The following ADGRB1 variants were observed in gnomAD, a reference collection of about 807,000 sequenced individuals.
ADGRB1 encodes brain-specific angiogenesis inhibitor 1.
A neutral mutation model predicts 175.7 loss-of-function variants in ADGRB1; 36 were observed. That is an observed-to-expected ratio of 0.20 (90% confidence interval 0.16 to 0.27). The LOEUF (loss-of-function observed/expected upper bound fraction) is 0.27, where lower values mean the gene tolerates loss of function less well. Among genes scored for constraint, ADGRB1 ranks in the 10% least tolerant of loss-of-function variants. The pLI is 1.00. For synonymous variants in ADGRB1, 1,054 were observed against 979.4 expected (o/e 1.08, Z -1.42); for missense variants, 1,731 against 2,255.3 (o/e 0.77, Z 4.71).
In ADGRB1 at chr8:142,544,435, A is replaced by AGG. The variant is rs1290979702; in HGVS notation, c.*18_*19insGG. 3.4e-6 allele frequency: 5 copies of AGG among 1,458,400 alleles called. No homozygotes were observed. In the African/African-American group the frequency reaches 7.1e-5, roughly 21 times the overall value. 90.3% of individuals were successfully genotyped at this position (1,458,400 alleles called of 1,614,324 possible). On this transcript the variant is annotated 3_prime_UTR_variant, in exon 31 of 31. Transcript: ENST00000517894. ...AGGTCTGAGCGGGTGGGCGGCGGCC[A>AGG]CGCACTGGGCCACGGAGGAGGGATG...
chr8:142,520,690 T>A (rs1278390323), intron 19 of ADGRB1, 133 bp from the exon 20 acceptor site: 1 of 671,032 alleles, frequency 1.5e-6, no homozygotes, highest in East Asian at 2.9e-5. Context: ...ATGATGGTCA[T>A]GGTGGTGGTG....
chr8:142,502,120 T>TAGAGGTTGTGATTATGG, intron 17 of ADGRB1, among the ~76,000 whole-genome samples: 1 of 99,740 alleles, frequency 1.0e-5, no homozygotes, highest in East Asian at 3.3e-4. Context: ...GGAGGTGAGG[T>TAGAGGTTGTGATTATGG]GGTGGGGGTG....
At chr8:142,527,525 G>A (rs1478225503) in intron 24 of ADGRB1, among the ~76,000 whole-genome samples, 1 of 152,098 alleles carries the variant, frequency 6.6e-6, no homozygotes, top group East Asian at 1.9e-4. Flanking sequence ...GCTGGTGTCT[G>A]ATGCTGAGTG....
At chr8:142,494,365 C>T (rs931316666) in intron 17 of ADGRB1, among the ~76,000 whole-genome samples, 3 of 151,822 alleles carry the variant, frequency 2.0e-5, no homozygotes, top group African/African-American at 4.8e-5. Flanking sequence ...GAGCCCAGAT[C>T]TTAGCCACAC....
chr8:142,519,605 A>G (rs1485579587), intron 19 of ADGRB1, among the ~76,000 whole-genome samples: 171 of 84,842 alleles, frequency 2.0e-3, no homozygotes, highest in Middle Eastern at 9.6e-3. Flanking sequence ...TGGTGATGGT[A>G]GTGATGGTGG....
chr8:142,505,891 T>G (rs1425386108), intron 17 of ADGRB1, among the ~76,000 whole-genome samples: 2 of 152,036 alleles, frequency 1.3e-5, no homozygotes, highest in African/African-American at 4.8e-5. Context: ...TGGGATTAGC[T>G]GGTGGGCAGC....
At position 142,464,245 on chromosome 8, in the gene ADGRB1, C is replaced by CGCT; in HGVS notation, c.51_53dup (p.Leu24dup). 2 of 1,340,426 alleles carry CGCT rather than the reference C, an allele frequency of 1.5e-6. No homozygotes were observed. Among genetic ancestry groups the CGCT allele is most frequent in the Non-Finnish European group, 1.9e-6 (2 of 1,054,364 alleles). 83.0% of individuals were successfully genotyped at this position (1,340,426 alleles called of 1,614,324 possible). A position where few individuals can be genotyped will look rare whatever the true frequency, so the allele number is the denominator to read the frequency against. ...CCGGGCCCCGTCTGGATCCTCGCCCCGCTGCTACTGCTGCTGCTGCTGCTG... is the reference window on the plus strand; with the variant it reads ...CCGGGCCCCGTCTGGATCCTCGCCCCGCTGCTGCTACTGCTGCTGCTGCTGCTG... On this transcript the variant is annotated inframe_insertion, in exon 2 of 31. Transcript: ENST00000517894.
rs1163026943 is a variant in ADGRB1, at chr8:142,464,456, G to A, written c.258G>A (p.Val86=). 10 of 1,578,470 alleles carry A rather than the reference G, an allele frequency of 6.3e-6. No individual in the cohort carries two copies. The East Asian group carries it at 7.0e-5, about 11-fold the overall frequency. ...GGCGCTACACTCTCTACATGAAGGT[G>A]GCCAAGGCGCCCGTGCCCTGCAGCG... The part of the protein sequence containing the change: ...DPRRYTLYMK[V]AKAPVPCSGP... The change falls in exon 2 of 31, where the codon GTG becomes GTA. Residue 86 remains valine (V), a synonymous_variant. Transcript: ENST00000517894.
In ADGRB1 at chr8:142,544,658, G is replaced by A. The variant is rs933392658; in HGVS notation, c.*241G>A. On this transcript the variant is annotated 3_prime_UTR_variant, in exon 31 of 31. Transcript: ENST00000517894. ...AGAGGCCGAAGGTGCCTCAGACTCC[G>A]CCCTCCTCGGGCCGAGGCCCAGCGG... is the stretch of plus-strand genomic sequence containing the variant. 6 of 394,840 alleles carry A rather than the reference G, an allele frequency of 1.5e-5. No individual in the cohort carries two copies. The highest frequency in any genetic ancestry group is 4.2e-5 in the African/African-American group (2 of 47,172). 24.5% of individuals were successfully genotyped at this position (394,840 alleles called of 1,614,324 possible).
At position 142,481,599 on chromosome 8, in the gene ADGRB1, C is replaced by A; in HGVS notation, c.2018C>A (p.Ser673Tyr). 6.2e-7 allele frequency: 1 copy of A among 1,603,996 alleles called. No homozygotes were observed. ...SEVIQTLVEISQDGTSYSGDL... is the reference protein window; with the variant it reads ...SEVIQTLVEIYQDGTSYSGDL... Reference sequence around the variant, plus strand: ...GTCATCCAGACACTGGTGGAGATCTCTCAGGACGGGACCAGCTACAGTGGG... The same window carrying A: ...GTCATCCAGACACTGGTGGAGATCTATCAGGACGGGACCAGCTACAGTGGG... Residue 673 changes from serine (S) to tyrosine (Y), a missense_variant, in exon 11 of 31, where the codon TCT becomes TAT. Ser to Tyr is a moderately radical substitution (Grantham distance 144, BLOSUM62 -2). Coordinates refer to ENST00000517894, the MANE Select transcript of ADGRB1 (RefSeq NM_001702.3).
In ADGRB1 at chr8:142,464,853, G is replaced by T; in HGVS notation, c.655G>T (p.Glu219Ter). The change falls in exon 2 of 31, where the codon GAG becomes TAG. Residue 219 changes from glutamate to a stop codon, truncating the protein, a stop_gained. Transcript: ENST00000517894. LOFTEE classifies it high-confidence loss of function. ...MQTPCACLGG[E>*]AGGPAAGPLA... The stretch of plus-strand genomic sequence containing the variant: ...GACCCCCTGCGCCTGCCTGGGCGGC[G>T]AGGCGGGCGGCCCTGCCGCGGGACC... 6.6e-7 allele frequency: 1 copy of T among 1,522,324 alleles called. No individual in the cohort carries two copies. Among genetic ancestry groups the T allele is most frequent in the South Asian group, 1.2e-5 (1 of 82,164 alleles). The allele number at this position is 1,522,324 out of a possible 1,614,324, so 94.3% of individuals were successfully genotyped here. A position where few individuals can be genotyped will look rare whatever the true frequency, so the allele number is the denominator to read the frequency against.
At chr8:142,533,590 C>A in intron 25 of ADGRB1, 124 bp downstream of exon 25, 2 of 1,178,374 alleles carry the variant, frequency 1.7e-6, no homozygotes, top group Non-Finnish European at 2.3e-6. Context: ...ATGACCCTGA[C>A]ACATCTGCAG....
Position 142,511,009 on chromosome 8 carries a change from G to T in ADGRB1, c.2753G>T (p.Arg918Leu). ...GCRTVPLDAL[R>L]TRCLCDRLST... The stretch of plus-strand genomic sequence containing the variant: ...CGCACGGTGCCCCTCGACGCCCTCC[G>T]GACGCGCTGCCTCTGTGACCGGCTC... Residue 918 changes from arginine (R) to leucine (L), a missense_variant, in exon 18 of 31, where the codon CGG becomes CTG. This residue lies in a region of ADGRB1 where 77 missense variants were observed against 71.6 expected (regional missense o/e 1.08). Transcript: ENST00000517894. The surrounding 1 kb of genome is among the most constrained non-coding windows in gnomAD (Gnocchi z 4.5). The T allele has an allele frequency of 7.7e-7, 1 of 1,306,352 alleles. No homozygotes were observed. Among genetic ancestry groups the T allele is most frequent in the East Asian group, 4.6e-5 (1 of 21,576 alleles). 80.9% of individuals were successfully genotyped at this position (1,306,352 alleles called of 1,614,324 possible). A position where few individuals can be genotyped will look rare whatever the true frequency, so the allele number is the denominator to read the frequency against.
intron 1 of ADGRB1, among the ~76,000 whole-genome samples, chr8:142,456,563 A>G (rs1394013906): frequency 6.6e-6 from 1 of 151,934 alleles, no homozygotes; most frequent in East Asian, 1.9e-4. Flanking sequence ...TTTCACCTGC[A>G]CTCACCACAC....
intron 25 of ADGRB1, among the ~76,000 whole-genome samples, chr8:142,536,264 G>T (rs146370104): frequency 7.8e-4 from 119 of 152,008 alleles, no homozygotes; most frequent in African/African-American, 2.7e-3. Flanking sequence ...CAGTGTCAGT[G>T]TGCTGCCCAG....
chr8:142,504,498 G>A lies in ADGRB1; in HGVS notation c.2676-6434G>A, dbSNP rs1051369192. 9.2e-5 allele frequency among the ~76,000 whole-genome samples: 14 copies of A among 152,186 alleles called. No homozygotes were observed. Among genetic ancestry groups the A allele is most frequent in the African/African-American group, 3.1e-4 (13 of 41,446 alleles). On this transcript the variant is annotated intron_variant, in intron 17 of 30. Coordinates refer to ENST00000517894, the MANE Select transcript of ADGRB1 (RefSeq NM_001702.3). The surrounding 1 kb of genome is among the most constrained non-coding windows in gnomAD (Gnocchi z 5.6). ...GGTCGCGGGGGGCTCTGGCTGCTGG[G>A]TGAGGCAGAACACAGGGAGGGGAGC...
At chr8:142,462,143 C>T (rs1449071623) in intron 1 of ADGRB1, among the ~76,000 whole-genome samples, 3 of 152,126 alleles carry the variant, frequency 2.0e-5, no homozygotes, top group East Asian at 1.9e-4. Context: ...AGGTCTGCCA[C>T]GAATGCGCCA....
chr8:142,527,323 C>T (rs1011611091), intron 24 of ADGRB1, among the ~76,000 whole-genome samples: 1 of 152,222 alleles, frequency 6.6e-6, no homozygotes, highest in Admixed American at 6.5e-5. Context: ...TGTCATCCAG[C>T]CCTGGCTGGT....
At position 142,539,513 on chromosome 8, in the gene ADGRB1, C is replaced by G. The variant is rs892177189; in HGVS notation, c.3706+100C>G. Reference sequence around the variant, plus strand: ...CCTCCCCCACATCACCCATCCCTGTCCACTCCTGCTGCCCCCACCCACACC... The same window carrying G: ...CCTCCCCCACATCACCCATCCCTGTGCACTCCTGCTGCCCCCACCCACACC... On this transcript the variant is annotated intron_variant, in intron 27 of 30. Coordinates refer to ENST00000517894, the MANE Select transcript of ADGRB1 (RefSeq NM_001702.3). 2.8e-6 allele frequency: 4 copies of G among 1,408,144 alleles called. No homozygotes were observed. In the African/African-American group the frequency reaches 4.3e-5, roughly 15 times the overall value. 87.2% of individuals were successfully genotyped at this position (1,408,144 alleles called of 1,614,324 possible).
Sources: allele counts gnomAD v4.1 joint callset (sites outside exome capture counted in the v4.1 genomes callset), GRCh38; gene constraint gnomAD v4.1.1; regional missense constraint gnomAD v4.1.1; non-coding constraint Gnocchi (gnomAD v3.1); transcripts MANE v1.5; gene names NCBI Gene and HGNC (gene_info 2026-07-23, HGNC 2026-07-21).